Variants in KPNA1 observed in about 807,000 individuals in gnomAD.
The protein encoded by KPNA1 is karyopherin subunit alpha 1.
KPNA1 carries 10 observed loss-of-function variants against 70.5 expected under a neutral mutation model. That is an observed-to-expected ratio of 0.14 (90% CI 0.09 to 0.24). The LOEUF (loss-of-function observed/expected upper bound fraction) is 0.24. KPNA1 is among the 10% of genes least tolerant of loss of function. The pLI, the probability that KPNA1 is intolerant of heterozygous loss-of-function variation, is 1.00. For synonymous variants in KPNA1, 192 were observed against 221.9 expected (o/e 0.87, Z 1.20); for missense variants, 397 against 637.9 (o/e 0.62, Z 4.07).
chr3:122,471,926 T>C (rs2076447109), intron 2 of KPNA1, among the ~76,000 whole-genome samples: 2 of 152,218 alleles, frequency 1.3e-5, no homozygotes, highest in South Asian at 4.1e-4. Context: ...TGTATAAGCC[T>C]AACAACAAAG....
chr3:122,463,453 G>A (rs1295255543), intron 4 of KPNA1, among the ~76,000 whole-genome samples: 2 of 151,202 alleles, frequency 1.3e-5, no homozygotes, highest in Admixed American at 6.6e-5. Context: ...CCAGGGAGTC[G>A]GAGGTTGCAG....
chr3:122,433,845 T>C (rs1469100391), intron 11 of KPNA1, 57 bp from the exon 12 acceptor site: 2 of 1,325,660 alleles, frequency 1.5e-6, no homozygotes, highest in East Asian at 4.9e-5. Flanking sequence ...AAAATATTCA[T>C]GATACTAATT....
chr3:122,498,406 T>G (rs1191964412), intron 1 of KPNA1, among the ~76,000 whole-genome samples: 1 of 152,184 alleles, frequency 6.6e-6, no homozygotes, highest in Admixed American at 6.5e-5. Context: ...CACCAGACAC[T>G]GAATCTGCCA....
chr3:122,468,519 T>C (rs997820640), intron 2 of KPNA1, among the ~76,000 whole-genome samples: 3 of 152,188 alleles, frequency 2.0e-5, no homozygotes, highest in Non-Finnish European at 2.9e-5. Flanking sequence ...TATTTAACAG[T>C]AGTTTCTTTT....
chr3:122,489,928 T>C (rs6807059), intron 2 of KPNA1, among the ~76,000 whole-genome samples: 14,306 of 152,250 alleles, frequency 0.094, 1,567 homozygotes, highest in African/African-American at 0.26. Context: ...TACAGCTCAT[T>C]AATCTCCACT....
At chr3:122,483,452 C>T (rs1288747682) in intron 2 of KPNA1, among the ~76,000 whole-genome samples, 1 of 152,124 alleles carries the variant, frequency 6.6e-6, no homozygotes, top group African/African-American at 2.4e-5. Flanking sequence ...TCAAGCAATC[C>T]TTCTGCTTCA....
rs1173179284 is a variant in KPNA1, at chr3:122,510,284, G to A, written c.-6+4473C>T. ...GAAAATACAGGAAACAGTAAACAGG[G>A]GAACCAGTACAAAAGAGGGCAAAGA... On this transcript the variant is annotated intron_variant, in intron 1 of 13. Coordinates refer to ENST00000344337, the MANE Select transcript of KPNA1 (RefSeq NM_002264.4). 3.3e-5 allele frequency among the ~76,000 whole-genome samples: 5 copies of A among 152,082 alleles called. No individual in the cohort carries two copies. The East Asian group carries it at 9.6e-4, about 29-fold the overall frequency.
intron 5 of KPNA1, among the ~76,000 whole-genome samples, chr3:122,459,264 T>A (rs2076296577): frequency 6.6e-6 from 1 of 152,190 alleles, no homozygotes. Context: ...TTTCTCCGAC[T>A]TTTTTCATTT....
In KPNA1 at chr3:122,433,394, G is replaced by A. The variant is rs190411825; in HGVS notation, c.1250+267C>T. On this transcript the variant is annotated intron_variant, in intron 12 of 13. Coordinates refer to ENST00000344337, the MANE Select transcript of KPNA1 (RefSeq NM_002264.4). ...TTCTATTGCCTCAAGCCTCGACTAT[G>A]CCTACTTCTTATATCCCAGGATTGT... 138 of 318,282 alleles carry A rather than the reference G, an allele frequency of 4.3e-4. 1 individual carries two copies. Among genetic ancestry groups the A allele is most frequent in the Admixed American group, 2.7e-3 (56 of 20,436 alleles). 19.7% of individuals were successfully genotyped at this position (318,282 alleles called of 1,614,324 possible).
chr3:122,456,437 A>C (rs1252695454), intron 5 of KPNA1, among the ~76,000 whole-genome samples: 2 of 152,236 alleles, frequency 1.3e-5, no homozygotes, highest in Non-Finnish European at 2.9e-5. Flanking sequence ...ATTTGGATGC[A>C]AAAGAAATTA....
chr3:122,431,501 TG>T (rs1489882374), intron 12 of KPNA1, among the ~76,000 whole-genome samples: 1 of 152,218 alleles, frequency 6.6e-6, no homozygotes, highest in Non-Finnish European at 1.5e-5. Context: ...CATCCAAATC[TG>T]GTATCTGCAA....
intron 5 of KPNA1, 72 bp downstream of exon 5, chr3:122,461,152 C>G: frequency 1.1e-6 from 1 of 934,866 alleles, no homozygotes; most frequent in Non-Finnish European, 1.6e-6. Context: ...AAATTAGTAA[C>G]AAATTTGTGT....
intron 5 of KPNA1, chr3:122,460,636 C>G: frequency 1.7e-6 from 1 of 596,056 alleles, no homozygotes; most frequent in Non-Finnish European, 2.1e-6. Flanking sequence ...GACTCTGTCT[C>G]AAGAAAAAGA....
At chr3:122,455,889 G>T (rs766306498) in intron 5 of KPNA1, among the ~76,000 whole-genome samples, 1 of 151,962 alleles carries the variant, frequency 6.6e-6, no homozygotes, top group Non-Finnish European at 1.5e-5. Flanking sequence ...TCACATACTC[G>T]CAGATGATCC....
chr3:122,506,160 TAATCAGTA>T (rs924923795), intron 1 of KPNA1, among the ~76,000 whole-genome samples: 16 of 152,326 alleles, frequency 1.1e-4, no homozygotes, highest in African/African-American at 2.9e-4. Flanking sequence ...TCAGCCCACC[TAATCAGTA>T]AATCTCAAAC....
chr3:122,490,567 GCT>G (rs2107491747), intron 2 of KPNA1, among the ~76,000 whole-genome samples: 1 of 152,216 alleles, frequency 6.6e-6, no homozygotes, highest in East Asian at 1.9e-4. Context: ...GTTCAAGTTG[GCT>G]CTGAGTCTTT....
At chr3:122,478,610 T>C (rs1317944755) in intron 2 of KPNA1, among the ~76,000 whole-genome samples, 4 of 151,664 alleles carry the variant, frequency 2.6e-5, no homozygotes, top group Admixed American at 1.3e-4. Flanking sequence ...TAATCCCAGC[T>C]ACTCAGGAGG....
intron 8 of KPNA1, 109 bp from the exon 9 acceptor site, chr3:122,449,846 T>C (rs748452978): frequency 1.3e-6 from 1 of 786,946 alleles, no homozygotes; most frequent in East Asian, 2.8e-5. Context: ...CTAGGGTGAT[T>C]TACACTTCTA....
In KPNA1 at chr3:122,432,407, T is replaced by G. The variant is rs188409711; in HGVS notation, c.1250+1254A>C. The G allele has an allele frequency of 1.1e-4, 16 of 152,368 alleles. 1 individual carries two copies. The East Asian group carries it at 3.1e-3, about 29-fold the overall frequency. 9.4% of individuals were successfully genotyped at this position (152,368 alleles called of 1,614,324 possible). On this transcript the variant is annotated intron_variant, in intron 12 of 13. Transcript: ENST00000344337. ...ATTCTTTCAGGTACATATTTCTTAT[T>G]TTCTCTACCTGATAAATTTCTGTAC...
Sources: allele counts gnomAD v4.1 joint callset (sites outside exome capture counted in the v4.1 genomes callset), GRCh38; gene constraint gnomAD v4.1.1; transcripts MANE v1.5; gene names NCBI Gene and HGNC (gene_info 2026-07-23, HGNC 2026-07-21).